GRID2: variants seen among roughly 807,000 people sequenced by gnomAD.
The protein encoded by GRID2 is glutamate receptor ionotropic, delta-2.
Under a neutral mutation model 114.8 loss-of-function variants are expected in GRID2, and 33 were observed. The ratio of observed to expected loss-of-function variants is 0.29; its 90% confidence interval spans 0.22 to 0.38. GRID2 has a LOEUF of 0.38. GRID2 is among the 10% of genes least tolerant of loss of function. GRID2 has a pLI of 1.00. For synonymous variants in GRID2, 505 were observed against 449.9 expected (o/e 1.12, Z -1.55); for missense variants, 1,184 against 1,257.7 (o/e 0.94, Z 0.89).
At position 93,256,635 on chromosome 4, in the gene GRID2, A is replaced by G. The variant is rs139942097; in HGVS notation, c.1245+18145A>G. Among the ~76,000 whole-genome samples the G allele has an allele frequency of 4.4e-3, 667 of 152,100 alleles. 4 individuals carry two copies. Among genetic ancestry groups the G allele is most frequent in the African/African-American group, 0.015 (634 of 41,544 alleles). On this transcript the variant is annotated intron_variant, in intron 8 of 15. Coordinates refer to ENST00000282020, the MANE Select transcript of GRID2 (RefSeq NM_001510.4). The stretch of plus-strand genomic sequence containing the variant: ...TATTGGTAATCTTTTTATAAAGAAA[A>G]TATGATAGATAGATAGAAATAGAGA...
intron 4 of GRID2, among the ~76,000 whole-genome samples, chr4:93,128,623 G>T (rs539120216): frequency 6.6e-6 from 1 of 152,256 alleles, no homozygotes; most frequent in East Asian, 1.9e-4. Context: ...TTCCCTCATT[G>T]CTAAACTGTC....
intron 13 of GRID2, among the ~76,000 whole-genome samples, chr4:93,560,504 G>A (rs1734819595): frequency 6.6e-6 from 1 of 152,064 alleles, no homozygotes; most frequent in African/African-American, 2.4e-5. Flanking sequence ...ATCACCAAGA[G>A]GATGGTGCTA....
intron 4 of GRID2, among the ~76,000 whole-genome samples, chr4:93,194,831 T>C (rs532584442): frequency 3.0e-4 from 45 of 152,284 alleles, no homozygotes; most frequent in Non-Finnish European, 5.4e-4. Context: ...TCAGACCCCA[T>C]GCCAGACCTT....
intron 2 of GRID2, among the ~76,000 whole-genome samples, chr4:92,601,673 A>C (rs775544645): frequency 3.9e-5 from 6 of 152,158 alleles, no homozygotes; most frequent in Non-Finnish European, 7.3e-5. Context: ...AACAAGAAAT[A>C]ACCAAGATCA....
intron 1 of GRID2, among the ~76,000 whole-genome samples, chr4:92,316,632 TA>T (rs1725996610): frequency 1.3e-5 from 2 of 152,004 alleles, no homozygotes; most frequent in African/African-American, 4.8e-5. Context: ...ATCTGCCTTC[TA>T]AGAAAATATT....
chr4:92,445,290 G>A (rs763621887), intron 1 of GRID2, among the ~76,000 whole-genome samples: 4 of 152,094 alleles, frequency 2.6e-5, no homozygotes, highest in Non-Finnish European at 5.9e-5. Context: ...TCACAATGTC[G>A]TGCTGCTAAA....
chr4:93,369,952 C>T (rs1579849477), intron 8 of GRID2, among the ~76,000 whole-genome samples: 1 of 152,232 alleles, frequency 6.6e-6, no homozygotes, highest in East Asian at 1.9e-4. Context: ...GCAGGTTAGG[C>T]TTCATACAGT....
At chr4:93,799,638 A>G (rs1461323250) in intron 1 of GRID2, among the ~76,000 whole-genome samples, 1 of 152,220 alleles carries the variant, frequency 6.6e-6, no homozygotes, top group Non-Finnish European at 1.5e-5. Context: ...CAGTCAGTGA[A>G]ATAGAGACTA....
rs149772976 is a variant in GRID2 at position 92,836,490 on chromosome 4, A to G, written c.244+246204A>G. The stretch of plus-strand genomic sequence containing the variant: ...AGTTTGGGAACCACTTGGATGGTAC[A>G]TGGCAAATAGCAGCCGCTTAATACA... On this transcript the variant is annotated intron_variant, in intron 2 of 15. Transcript: ENST00000282020. Among the ~76,000 whole-genome samples, 1,101 of 152,280 alleles carry G rather than the reference A, an allele frequency of 7.2e-3. 51 individuals carry two copies. Among genetic ancestry groups the G allele is most frequent in the Admixed American group, 0.064 (976 of 15,264 alleles).
At chr4:92,339,962 T>A (rs1727390727) in intron 1 of GRID2, among the ~76,000 whole-genome samples, 1 of 152,176 alleles carries the variant, frequency 6.6e-6, no homozygotes, top group East Asian at 1.9e-4. Context: ...TAACTGAGCT[T>A]AGCACGTGTA....
chr4:93,715,181 A>G (rs754972551), intron 14 of GRID2, among the ~76,000 whole-genome samples: 30 of 152,162 alleles, frequency 2.0e-4, no homozygotes, highest in Non-Finnish European at 2.6e-4. Context: ...CATTTATTAA[A>G]TAGGGAATCC....
At position 93,122,812 on chromosome 4, in the gene GRID2, T is replaced by A. The variant is rs544051600; in HGVS notation, c.735+11859T>A. Among the ~76,000 whole-genome samples the A allele has an allele frequency of 1.9e-4, 28 of 151,224 alleles. 1 individual carries two copies. The South Asian group carries it at 5.5e-3, about 30-fold the overall frequency. ...TTTATCAATTATTATTAAACTGCTC[T>A]CAAATCTGAGTTTTAACTTTAGCTT... On this transcript the variant is annotated intron_variant, in intron 4 of 15. Coordinates refer to ENST00000282020, the MANE Select transcript of GRID2 (RefSeq NM_001510.4).
intron 14 of GRID2, among the ~76,000 whole-genome samples, chr4:93,729,571 A>T (rs1730289001): frequency 6.6e-6 from 1 of 150,504 alleles, no homozygotes; most frequent in African/African-American, 2.5e-5. Context: ...TTTGAGATGG[A>T]GTCTCACTTT....
At chr4:93,328,405 G>T (rs1174223276) in intron 8 of GRID2, among the ~76,000 whole-genome samples, 6 of 152,082 alleles carry the variant, frequency 3.9e-5, no homozygotes, top group Admixed American at 1.3e-4. Context: ...TCTTTCCCCA[G>T]TTCTTTGATT....
rs72873099 is a variant in GRID2 at position 93,697,012 on chromosome 4, A to G, written c.2360+70577A>G. On this transcript the variant is annotated intron_variant, in intron 14 of 15. Coordinates refer to ENST00000282020, the MANE Select transcript of GRID2 (RefSeq NM_001510.4). Reference sequence around the variant, plus strand: ...ACCCACTCTATGTTATTTTCCTGAAACATGCTATTATGCAAAAAATACTAA... The same window carrying G: ...ACCCACTCTATGTTATTTTCCTGAAGCATGCTATTATGCAAAAAATACTAA... Among the ~76,000 whole-genome samples the G allele has an allele frequency of 9.0e-3, 1,373 of 152,306 alleles. 24 individuals are homozygous for G. The highest frequency in any genetic ancestry group is 0.031 in the African/African-American group (1,286 of 41,564).
chr4:92,552,875 G>A (rs1326512814), intron 1 of GRID2, among the ~76,000 whole-genome samples: 1 of 152,150 alleles, frequency 6.6e-6, no homozygotes, highest in Non-Finnish European at 1.5e-5. Context: ...CCCATCTCAG[G>A]CATAGCTGAA....
At chr4:93,593,097 A>G (rs1400926676) in intron 13 of GRID2, among the ~76,000 whole-genome samples, 3 of 151,588 alleles carry the variant, frequency 2.0e-5, no homozygotes, top group Non-Finnish European at 4.4e-5. Context: ...TGATCCTGTC[A>G]TTATGATGTT....
At chr4:93,001,753 T>C (rs896705606) in intron 2 of GRID2, among the ~76,000 whole-genome samples, 1 of 151,732 alleles carries the variant, frequency 6.6e-6, no homozygotes, top group Admixed American at 6.6e-5. Context: ...GTAAATTCAT[T>C]CAACATTTCA....
At chr4:92,512,961 G>T (rs113330374) in intron 1 of GRID2, among the ~76,000 whole-genome samples, 1 of 151,938 alleles carries the variant, frequency 6.6e-6, no homozygotes, top group African/African-American at 2.4e-5. Context: ...GAGACATTGA[G>T]TGAACACACA....
Sources: allele counts gnomAD v4.1 joint callset (sites outside exome capture counted in the v4.1 genomes callset), GRCh38; gene constraint gnomAD v4.1.1; transcripts MANE v1.5; gene names NCBI Gene and HGNC (gene_info 2026-07-23, HGNC 2026-07-21).